Variants in CADM2 observed in about 807,000 individuals in gnomAD.
The protein encoded by CADM2 is immunoglobulin superfamily member 4D.
Under a neutral mutation model 49.8 loss-of-function variants are expected in CADM2, and 12 were observed. That is an observed-to-expected ratio of 0.24 (90% CI 0.15 to 0.39). The LOEUF (loss-of-function observed/expected upper bound fraction) is 0.39. Among genes scored for constraint, CADM2 ranks in the 10% least tolerant of loss-of-function variants. The pLI, the probability that CADM2 is intolerant of heterozygous loss-of-function variation, is 1.00. For missense variants in CADM2, 378 were observed against 492.3 expected, an observed-to-expected ratio of 0.77 and a Z score of 2.20; for synonymous variants, 214 against 175.4, an observed-to-expected ratio of 1.22 and a Z score of -1.74.
intron 1 of CADM2, among the ~76,000 whole-genome samples, chr3:85,381,143 T>C (rs1178391782): frequency 1.3e-5 from 2 of 152,048 alleles, no homozygotes; most frequent in African/African-American, 2.4e-5. Context: ...GTGTATTGCA[T>C]ATATAGAGAA....
intron 8 of CADM2, among the ~76,000 whole-genome samples, chr3:86,058,629 T>G (rs1049302827): frequency 6.6e-6 from 1 of 152,092 alleles, no homozygotes; most frequent in Non-Finnish European, 1.5e-5. Context: ...AACATATTTA[T>G]TTTAATATAT....
chr3:85,684,483 G>C (rs1577080478), intron 1 of CADM2, among the ~76,000 whole-genome samples: 1 of 152,146 alleles, frequency 6.6e-6, no homozygotes, highest in Admixed American at 6.5e-5. Context: ...ACTTAGGTGG[G>C]CTCTGAAGTG....
chr3:85,973,925 A>G (rs1726462481), intron 8 of CADM2, among the ~76,000 whole-genome samples: 1 of 151,732 alleles, frequency 6.6e-6, no homozygotes, highest in Non-Finnish European at 1.5e-5. Context: ...TTCACAAACC[A>G]GGTAGGAATC....
intron 1 of CADM2, among the ~76,000 whole-genome samples, chr3:85,675,297 T>C (rs1447145797): frequency 8.5e-5 from 13 of 152,164 alleles, no homozygotes. Context: ...GAACTTTAAG[T>C]GCAATTTTAT....
chr3:85,791,168 A>C (rs529788381), intron 2 of CADM2, among the ~76,000 whole-genome samples: 1 of 152,294 alleles, frequency 6.6e-6, no homozygotes, highest in African/African-American at 2.4e-5. Flanking sequence ...TATCAGTCTT[A>C]GTTTTTCCTC....
intron 1 of CADM2, among the ~76,000 whole-genome samples, chr3:85,568,401 T>TTCTTTCTTTTTCTTTCTTTCTCTCTC (rs1553743555): frequency 4.2e-5 from 1 of 23,602 alleles, no homozygotes; most frequent in Admixed American, 5.7e-4. Flanking sequence ...TCCTCCCTCT[T>TTCTTTCTTTTTCTTTCTTTCTCTCTC]TCTTTCTTTC....
chr3:85,315,226 C>A (rs116797118), intron 1 of CADM2, among the ~76,000 whole-genome samples: 15 of 152,248 alleles, frequency 9.9e-5, no homozygotes, highest in African/African-American at 2.6e-4. Context: ...TGGTCTCAGG[C>A]GATCCTCCTG....
intron 1 of CADM2, among the ~76,000 whole-genome samples, chr3:85,608,344 A>T (rs978499332): frequency 6.6e-6 from 1 of 152,156 alleles, no homozygotes; most frequent in African/African-American, 2.4e-5. Flanking sequence ...AGATTTTGTA[A>T]AAAGCATCAC....
chr3:86,021,441 G>T (rs371671229), intron 8 of CADM2, among the ~76,000 whole-genome samples: 1 of 152,122 alleles, frequency 6.6e-6, no homozygotes, highest in Non-Finnish European at 1.5e-5. Context: ...AAATTCATTA[G>T]TGTAGACATG....
chr3:85,739,793 A>G (rs1427366758), intron 2 of CADM2, among the ~76,000 whole-genome samples: 1 of 152,180 alleles, frequency 6.6e-6, no homozygotes, highest in Non-Finnish European at 1.5e-5. Flanking sequence ...AACATAAGCT[A>G]TTATTGGTAA....
chr3:85,628,201 T>C (rs1160557516), intron 1 of CADM2, among the ~76,000 whole-genome samples: 2 of 152,054 alleles, frequency 1.3e-5, no homozygotes, highest in Admixed American at 1.3e-4. Flanking sequence ...TATAATTACA[T>C]AATAATTCTG....
At chr3:85,327,588 A>C (rs1187410675) in intron 1 of CADM2, among the ~76,000 whole-genome samples, 19 of 113,644 alleles carry the variant, frequency 1.7e-4, no homozygotes, top group African/African-American at 3.1e-4. Context: ...ACACACACAC[A>C]CCACACACAC....
intron 1 of CADM2, among the ~76,000 whole-genome samples, chr3:85,612,634 T>C (rs1400398502): frequency 6.6e-6 from 1 of 151,770 alleles, no homozygotes; most frequent in Non-Finnish European, 1.5e-5. Flanking sequence ...AATACCATTA[T>C]GCCAAATTTT....
chr3:85,701,450 G>A (rs1344844647), intron 1 of CADM2, among the ~76,000 whole-genome samples: 5 of 151,972 alleles, frequency 3.3e-5, no homozygotes, highest in Non-Finnish European at 5.9e-5. Context: ...AAGTGGACAA[G>A]GACCCAGCAA....
chr3:85,271,006 G>C (rs1213862923), intron 1 of CADM2, among the ~76,000 whole-genome samples: 1 of 151,300 alleles, frequency 6.6e-6, no homozygotes, highest in Non-Finnish European at 1.5e-5. Context: ...TTAAACTGGG[G>C]AAGGTTAATT....
At chr3:85,929,135 T>G (rs909397641) in intron 6 of CADM2, among the ~76,000 whole-genome samples, 2 of 152,112 alleles carry the variant, frequency 1.3e-5, no homozygotes, top group Non-Finnish European at 1.5e-5. Flanking sequence ...ATCAGTAAAT[T>G]AAAAACAGAA....
intron 1 of CADM2, among the ~76,000 whole-genome samples, chr3:85,148,121 C>A (rs760791317): frequency 6.6e-5 from 10 of 152,272 alleles, no homozygotes; most frequent in Non-Finnish European, 1.5e-4. Flanking sequence ...ATGAATATCA[C>A]AGCGTGTAAA....
At chr3:85,447,083 G>A (rs537918327) in intron 1 of CADM2, among the ~76,000 whole-genome samples, 1 of 136,764 alleles carries the variant, frequency 7.3e-6, no homozygotes, top group South Asian at 2.4e-4. Context: ...TAATTCATAT[G>A]GTAATACAAT....
chr3:85,028,460 T>C (rs997199006), intron 1 of CADM2, among the ~76,000 whole-genome samples: 27 of 152,142 alleles, frequency 1.8e-4, no homozygotes, highest in African/African-American at 6.0e-4. Flanking sequence ...TGTTTTATGT[T>C]AGAACTAAGA....
Sources: gnomAD v4.1 joint callset for allele counts (sites outside exome capture counted in the v4.1 genomes callset) on GRCh38, gnomAD v4.1.1 for gene constraint, MANE v1.5 for transcripts, NCBI Gene and HGNC (gene_info 2026-07-23, HGNC 2026-07-21) for gene names.